Variants in B3GLCT observed in about 807,000 individuals in gnomAD.
The protein encoded by B3GLCT is beta-1,3-glucosyltransferase.
In B3GLCT, 65 loss-of-function variants were observed where a neutral mutation model predicts 63.4. The observed-to-expected ratio is 1.03, with a 90% CI of 0.84 to 1.26. B3GLCT has a LOEUF of 1.26. Ranked by LOEUF, B3GLCT falls within the 50% of genes most tolerant of loss-of-function variation. B3GLCT has a pLI of 0.00. For synonymous variants in B3GLCT, 233 were observed against 219.2 expected, an observed-to-expected ratio of 1.06 and a Z score of -0.55; for missense variants, 577 against 604.8, an observed-to-expected ratio of 0.95 and a Z score of 0.48.
At chr13:31,232,677 A>G (rs1054546924) in intron 4 of B3GLCT, among the ~76,000 whole-genome samples, 11 of 152,224 alleles carry the variant, frequency 7.2e-5, no homozygotes, top group Non-Finnish European at 1.6e-4. Flanking sequence ...CTTCTTGTCA[A>G]GCTCATGTAT....
intron 12 of B3GLCT, 48 bp downstream of exon 12, chr13:31,286,867 C>A: frequency 7.5e-7 from 1 of 1,332,812 alleles, no homozygotes; most frequent in Non-Finnish European, 1.1e-6. Flanking sequence ...TACATATATT[C>A]ATATTCAAAA....
At chr13:31,237,729 A>G (rs1870729678) in intron 4 of B3GLCT, among the ~76,000 whole-genome samples, 1 of 152,186 alleles carries the variant, frequency 6.6e-6, no homozygotes, top group African/African-American at 2.4e-5. Context: ...GAGCTGAGAA[A>G]GGGAAAAACT....
chr13:31,329,404 G>A lies in B3GLCT; in HGVS notation c.1330-97G>A, dbSNP rs1320560373. Reference sequence around the variant, plus strand: ...AGATTCCTATAGCCAATGTTAGGTAGTGAAGTAAAGCAGTCCACTTTATAA... The same window carrying A: ...AGATTCCTATAGCCAATGTTAGGTAATGAAGTAAAGCAGTCCACTTTATAA... On this transcript the variant is annotated intron_variant, in intron 14 of 14. Coordinates refer to ENST00000343307, the MANE Select transcript of B3GLCT (RefSeq NM_194318.4). 3.0e-6 allele frequency: 4 copies of A among 1,344,818 alleles called. No individual in the cohort carries two copies. The African/African-American group carries it at 4.3e-5, about 14-fold the overall frequency. The allele number at this position is 1,344,818 out of a possible 1,614,324, so 83.3% of individuals were successfully genotyped here. A position where few individuals can be genotyped will look rare whatever the true frequency, so the allele number is the denominator to read the frequency against.
intron 12 of B3GLCT, among the ~76,000 whole-genome samples, chr13:31,296,578 G>A (rs1290569424): frequency 6.6e-6 from 1 of 152,044 alleles, no homozygotes. Flanking sequence ...AAATTTGGGG[G>A]GAACACAAAC....
At chr13:31,274,803 A>G (rs1453046896) in intron 9 of B3GLCT, among the ~76,000 whole-genome samples, 175 bp downstream of exon 9, 1 of 152,192 alleles carries the variant, frequency 6.6e-6, no homozygotes, top group East Asian at 1.9e-4. Context: ...TCTGTCACCC[A>G]AATAGTGAAC....
chr13:31,227,023 G>A (rs951078327), intron 3 of B3GLCT, among the ~76,000 whole-genome samples: 5 of 151,998 alleles, frequency 3.3e-5, no homozygotes, highest in Admixed American at 6.6e-5. Flanking sequence ...ATATATTTAT[G>A]TTTATATTGT....
intron 12 of B3GLCT, among the ~76,000 whole-genome samples, chr13:31,309,992 G>C (rs1874622503): frequency 1.3e-5 from 2 of 152,130 alleles, no homozygotes; most frequent in Admixed American, 1.3e-4. Flanking sequence ...CACTGATAGA[G>C]GCAAGAGGCA....
At chr13:31,282,449 C>G (rs1437821075) in intron 10 of B3GLCT, among the ~76,000 whole-genome samples, 2 of 152,026 alleles carry the variant, frequency 1.3e-5, no homozygotes, top group Non-Finnish European at 2.9e-5. Context: ...ACCATCCTGG[C>G]TAACACGGTG....
chr13:31,213,300 CTG>C (rs1241319833), intron 1 of B3GLCT, among the ~76,000 whole-genome samples: 1 of 152,098 alleles, frequency 6.6e-6, no homozygotes, highest in Non-Finnish European at 1.5e-5. Flanking sequence ...GTAGATAAAA[CTG>C]TATTCCTGGT....
At chr13:31,328,041 C>T (rs1325722427) in intron 14 of B3GLCT, among the ~76,000 whole-genome samples, 4 of 152,146 alleles carry the variant, frequency 2.6e-5, no homozygotes, top group African/African-American at 9.7e-5. Flanking sequence ...GAGCACTGGC[C>T]CTGGGCTGAG....
chr13:31,212,530 C>T (rs1869322438), intron 1 of B3GLCT, among the ~76,000 whole-genome samples: 1 of 152,144 alleles, frequency 6.6e-6, no homozygotes, highest in East Asian at 1.9e-4. Flanking sequence ...ACCTCGGCCT[C>T]CCAAAGTGCT....
intron 1 of B3GLCT, among the ~76,000 whole-genome samples, chr13:31,206,780 T>G (rs1440295992): frequency 4.0e-5 from 6 of 151,816 alleles, no homozygotes; most frequent in East Asian, 1.9e-4. Context: ...TTGTTTTGCC[T>G]TAAAGTAAGG....
intron 12 of B3GLCT, among the ~76,000 whole-genome samples, chr13:31,313,361 G>T (rs1179357533): frequency 6.6e-6 from 1 of 152,208 alleles, no homozygotes; most frequent in East Asian, 1.9e-4. Context: ...GAATGGCTTT[G>T]CCCAAAATGT....
At chr13:31,279,791 G>A (rs190279507) in intron 10 of B3GLCT, among the ~76,000 whole-genome samples, 143 of 152,230 alleles carry the variant, frequency 9.4e-4, no homozygotes, top group African/African-American at 3.3e-3. Context: ...CGGGAGACTG[G>A]GGCTTATTTC....
At chr13:31,219,802 C>T (rs1869733549) in intron 2 of B3GLCT, among the ~76,000 whole-genome samples, 1 of 152,206 alleles carries the variant, frequency 6.6e-6, no homozygotes, top group Non-Finnish European at 1.5e-5. Context: ...GCCATCTTTC[C>T]TACCTGAACA....
intron 10 of B3GLCT, chr13:31,283,173 C>T (rs1424474627): frequency 2.0e-5 from 3 of 152,228 alleles, no homozygotes; most frequent in South Asian, 4.1e-4. Context: ...GCACAGCCTG[C>T]AGGACCCTTG....
At chr13:31,246,696 A>C (rs1440757186) in intron 4 of B3GLCT, among the ~76,000 whole-genome samples, 1 of 152,104 alleles carries the variant, frequency 6.6e-6, no homozygotes, top group Admixed American at 6.6e-5. Context: ...TCTTCCCTTC[A>C]AGTCACCTTC....
chr13:31,205,283 A>G (rs1400045149), intron 1 of B3GLCT, among the ~76,000 whole-genome samples: 1 of 149,660 alleles, frequency 6.7e-6, no homozygotes, highest in Non-Finnish European at 1.5e-5. Context: ...CTGGTCGGGC[A>G]TGGTGGCTCA....
intron 10 of B3GLCT, among the ~76,000 whole-genome samples, chr13:31,279,096 A>G (rs377511551): frequency 7.9e-5 from 12 of 152,202 alleles, no homozygotes; most frequent in Admixed American, 1.3e-4. Context: ...ATGTCCTGCT[A>G]TGCTCAAGGT....
Sources: allele counts gnomAD v4.1 joint callset (sites outside exome capture counted in the v4.1 genomes callset), GRCh38; gene constraint gnomAD v4.1.1; transcripts MANE v1.5; gene names NCBI Gene and HGNC (gene_info 2026-07-23, HGNC 2026-07-21).